PCDH15: variants seen among roughly 807,000 people sequenced by gnomAD.
The protein encoded by PCDH15 is protocadherin related 15.
A neutral mutation model predicts 178.5 loss-of-function variants in PCDH15; 129 were observed. The observed-to-expected ratio is 0.72, with a 90% confidence interval of 0.63 to 0.84. The LOEUF (loss-of-function observed/expected upper bound fraction) is 0.84. Ranked by LOEUF, PCDH15 falls within the 40% of genes least tolerant of loss-of-function variation. The pLI is 0.00. For synonymous variants in PCDH15, 800 were observed against 732.0 expected, an observed-to-expected ratio of 1.09 and a Z score of -1.50; for missense variants, 2,230 against 2,099.9, an observed-to-expected ratio of 1.06 and a Z score of -1.21.
Position 55,520,924 on chromosome 10 carries a change from T to G in PCDH15, c.-156+106701A>C, listed in dbSNP as rs115919893. Among the ~76,000 whole-genome samples, 882 of 152,090 alleles carry G rather than the reference T, an allele frequency of 5.8e-3. 9 individuals are homozygous for G. Among genetic ancestry groups the G allele is most frequent in the African/African-American group, 0.02 (851 of 41,546 alleles). ...TATTATCACCTTACATAATTATTATTGTGTGTGTTTGTCTCTGTGTGTGTT... is the reference window on the plus strand; with the variant it reads ...TATTATCACCTTACATAATTATTATGGTGTGTGTTTGTCTCTGTGTGTGTT... On this transcript the variant is annotated intron_variant, in intron 2 of 5. Coordinates refer to the PCDH15 transcript ENST00000613346.
intron 2 of PCDH15, among the ~76,000 whole-genome samples, chr10:55,588,945 G>C (rs1352783855): frequency 6.6e-6 from 1 of 151,964 alleles, no homozygotes; most frequent in East Asian, 1.9e-4. Flanking sequence ...GCCTGGCGTG[G>C]TGCCACATGC....
chr10:55,294,988 C>T (rs1843097024), intron 1 of PCDH15, among the ~76,000 whole-genome samples: 2 of 152,066 alleles, frequency 1.3e-5, no homozygotes, highest in African/African-American at 4.8e-5. Context: ...ATTACAAGTT[C>T]CACCTCTTTT....
chr10:53,892,342 T>C (rs1369984160), intron 26 of PCDH15, among the ~76,000 whole-genome samples: 3 of 152,114 alleles, frequency 2.0e-5, no homozygotes, highest in Non-Finnish European at 4.4e-5. Context: ...TTTTGAAACA[T>C]CCAAGCTTCC....
intron 2 of PCDH15, among the ~76,000 whole-genome samples, chr10:54,650,488 T>G (rs2094233268): frequency 6.6e-6 from 1 of 152,114 alleles, no homozygotes; most frequent in South Asian, 2.1e-4. Flanking sequence ...TAAATAAATG[T>G]TGGTGGTTAC....
chr10:54,498,026 G>A (rs1029693929), intron 3 of PCDH15, among the ~76,000 whole-genome samples: 15 of 151,578 alleles, frequency 9.9e-5, no homozygotes, highest in Non-Finnish European at 1.6e-4. Context: ...AGGTTAACAT[G>A]AAAGAAAAAA....
At position 55,346,693 on chromosome 10, in the gene PCDH15, CT is replaced by C. The variant is rs112923658; in HGVS notation, c.-155-180043del. Reference sequence around the variant, plus strand: ...AGCCCAGGTTATTCCTATCTTTGGACTTTTTTTTTTTTTTGCTCTACAATGA... The same window carrying C: ...AGCCCAGGTTATTCCTATCTTTGGACTTTTTTTTTTTTTGCTCTACAATGA... On this transcript the variant is annotated intron_variant, in intron 2 of 5. Coordinates refer to the PCDH15 transcript ENST00000613346. Among the ~76,000 whole-genome samples the C allele has an allele frequency of 9.9e-3, 1,373 of 138,792 alleles. 12 individuals carry two copies. The highest frequency in any genetic ancestry group is 0.02 in the African/African-American group (775 of 38,218). The allele number at this position is 138,792 out of a possible 152,430, so 91.1% of individuals were successfully genotyped here. A position where few individuals can be genotyped will look rare whatever the true frequency, so the allele number is the denominator to read the frequency against.
At chr10:55,585,086 T>C (rs1842699558) in intron 2 of PCDH15, among the ~76,000 whole-genome samples, 2 of 151,728 alleles carry the variant, frequency 1.3e-5, no homozygotes. Flanking sequence ...TATATGTATA[T>C]TTATGGAATT....
At chr10:55,070,337 A>T (rs1841698309) in intron 2 of PCDH15, among the ~76,000 whole-genome samples, 1 of 151,616 alleles carries the variant, frequency 6.6e-6, no homozygotes, top group Non-Finnish European at 1.5e-5. Flanking sequence ...GGTGTTTTAG[A>T]CATGAAGTCC....
At chr10:54,986,378 C>T (rs1203294128) in intron 2 of PCDH15, among the ~76,000 whole-genome samples, 1 of 151,916 alleles carries the variant, frequency 6.6e-6, no homozygotes, top group East Asian at 1.9e-4. Context: ...TGGAAAAGTA[C>T]AACTCCAGAG....
intron 23 of PCDH15, among the ~76,000 whole-genome samples, chr10:53,947,296 A>G (rs1190159450): frequency 1.3e-5 from 2 of 152,194 alleles, no homozygotes; most frequent in African/African-American, 4.8e-5. Flanking sequence ...AGTAACAATA[A>G]AAGTAAATGT....
chr10:53,856,661 C>G (rs986553560), intron 28 of PCDH15, among the ~76,000 whole-genome samples: 3 of 152,032 alleles, frequency 2.0e-5, no homozygotes, highest in East Asian at 1.9e-4. Context: ...TCTGATACAT[C>G]AAAGCATTCT....
chr10:55,140,385 G>T (rs929114312), intron 2 of PCDH15, among the ~76,000 whole-genome samples: 1 of 151,770 alleles, frequency 6.6e-6, no homozygotes, highest in Middle Eastern at 3.4e-3. Flanking sequence ...TGTGGCCAAG[G>T]GTCCCGATTA....
chr10:54,020,341 G>A lies in PCDH15; in HGVS notation c.2602C>T (p.His868Tyr). The A allele has an allele frequency of 1.2e-6, 2 of 1,613,826 alleles. No individual in the cohort carries two copies. Among genetic ancestry groups the A allele is most frequent in the African/African-American group, 2.7e-5 (2 of 75,012 alleles). Residue 868 changes from histidine to tyrosine, a missense_variant, in exon 20 of 38, where the codon CAT (histidine) becomes TAT (tyrosine). Coordinates refer to ENST00000644397, the MANE Select transcript of PCDH15 (RefSeq NM_001384140.1). The part of the protein sequence containing the change: ...SPEVKHFFAL[H>Y]PFTGELSLLR... ...AGCGATAGTTCTCCTGTAAATGGAT[G>A]TAGTGCAAAAAAGTGCTTCACTTCT...
At chr10:54,462,369 C>T (rs759324226) in intron 3 of PCDH15, among the ~76,000 whole-genome samples, 7 of 151,790 alleles carry the variant, frequency 4.6e-5, no homozygotes, top group Non-Finnish European at 8.8e-5. Flanking sequence ...ATATTTGCTG[C>T]GTTTATTTTG....
At chr10:54,638,122 C>A (rs1277030619) in intron 2 of PCDH15, among the ~76,000 whole-genome samples, 1 of 151,846 alleles carries the variant, frequency 6.6e-6, no homozygotes, top group African/African-American at 2.4e-5. Context: ...TTGTAACTCG[C>A]ACAACATAAA....
chr10:54,854,552 A>G lies in PCDH15; in HGVS notation c.-29+42898T>C, dbSNP rs982136317. On this transcript the variant is annotated intron_variant, in intron 3 of 5. Coordinates refer to the PCDH15 transcript ENST00000458638. ...TCCTTTCTGCAGCCAGAGTGTCCCA[A>G]TGAGTGTTCAGCTCCTAGGAGAGTG... is the stretch of plus-strand genomic sequence containing the variant. Among the ~76,000 whole-genome samples, 3 of 152,062 alleles carry G rather than the reference A, an allele frequency of 2.0e-5. 1 individual carries two copies. Among genetic ancestry groups the G allele is most frequent in the South Asian group, 4.1e-4 (2 of 4,824 alleles).
intron 3 of PCDH15, among the ~76,000 whole-genome samples, chr10:54,481,492 C>T (rs1245117909): frequency 2.0e-5 from 3 of 151,604 alleles, no homozygotes; most frequent in East Asian, 1.9e-4. Context: ...TGCAAATAAA[C>T]ATTCACAATA....
chr10:53,809,435 T>C (rs2075785214), intron 37 of PCDH15: 2 of 1,613,900 alleles, frequency 1.2e-6, no homozygotes, highest in African/African-American at 1.3e-5. Context: ...CTCTTCCATG[T>C]TGTGTATGTA....
chr10:54,412,954 G>A (rs114669916), intron 3 of PCDH15, among the ~76,000 whole-genome samples: 3,058 of 152,262 alleles, frequency 0.02, 117 homozygotes, highest in African/African-American at 0.069. Context: ...TATTGCATGT[G>A]TGCAAGGCTA....
Sources: allele counts gnomAD v4.1 joint callset (sites outside exome capture counted in the v4.1 genomes callset), GRCh38; gene constraint gnomAD v4.1.1; transcripts MANE v1.5; gene names NCBI Gene and HGNC (gene_info 2026-07-23, HGNC 2026-07-21).